Variants in HDAC9 observed in about 807,000 individuals in gnomAD.
HDAC9 encodes the protein histone deacetylase 9, also known as MEF-2 interacting transcription repressor (MITR) protein.
HDAC9 carries 41 observed loss-of-function variants against 139.4 expected under a neutral mutation model. The ratio of observed to expected loss-of-function variants is 0.29; its 90% CI spans 0.23 to 0.38. The LOEUF (loss-of-function observed/expected upper bound fraction) is 0.38. Ranked by LOEUF, HDAC9 falls within the 10% of genes least tolerant of loss-of-function variation. HDAC9 has a pLI of 1.00. For synonymous variants in HDAC9, 517 were observed against 476.2 expected, an observed-to-expected ratio of 1.09 and a Z score of -1.12; for missense variants, 1,147 against 1,297.0, an observed-to-expected ratio of 0.88 and a Z score of 1.78.
intron 1 of HDAC9, among the ~76,000 whole-genome samples, chr7:18,324,982 T>C (rs1441444875): frequency 2.6e-5 from 4 of 152,140 alleles, no homozygotes; most frequent in Non-Finnish European, 5.9e-5. Context: ...CCCCTTCCCT[T>C]TCTGCCATCC....
chr7:18,427,265 C>T (rs753392572), intron 1 of HDAC9, among the ~76,000 whole-genome samples: 4 of 152,118 alleles, frequency 2.6e-5, no homozygotes, highest in Non-Finnish European at 5.9e-5. Context: ...CTCATTCACA[C>T]CTACAGCCTT....
At chr7:18,670,400 T>C (rs1795599655) in intron 12 of HDAC9, among the ~76,000 whole-genome samples, 1 of 152,088 alleles carries the variant, frequency 6.6e-6, no homozygotes, top group South Asian at 2.1e-4. Flanking sequence ...TGTTGTTACA[T>C]CTAATTTTAT....
chr7:18,968,653 C>T (rs746469136), intron 24 of HDAC9, among the ~76,000 whole-genome samples: 9 of 152,040 alleles, frequency 5.9e-5, no homozygotes, highest in Non-Finnish European at 1.0e-4. Context: ...AGAATAAAGC[C>T]ATCAAAGTTA....
intron 14 of HDAC9, among the ~76,000 whole-genome samples, chr7:18,758,452 C>T (rs774441285): frequency 1.5e-4 from 23 of 152,042 alleles, no homozygotes; most frequent in Middle Eastern, 6.8e-3. Context: ...ATAAAGGGTG[C>T]GCAGAAAGTT....
At chr7:18,318,415 T>G (rs1241751675) in intron 1 of HDAC9, among the ~76,000 whole-genome samples, 1 of 152,196 alleles carries the variant, frequency 6.6e-6, no homozygotes, top group African/African-American at 2.4e-5. Flanking sequence ...GGAATGCAGA[T>G]GGCATTTGTT....
intron 16 of HDAC9, among the ~76,000 whole-genome samples, chr7:18,786,564 C>A (rs1483758781): frequency 3.3e-5 from 4 of 121,842 alleles, no homozygotes; most frequent in East Asian, 2.2e-4. Flanking sequence ...TTCTGTCACA[C>A]CTCTTGGGTA....
chr7:18,981,886 G>T (rs988657962), intron 25 of HDAC9, among the ~76,000 whole-genome samples: 1 of 151,748 alleles, frequency 6.6e-6, no homozygotes, highest in Admixed American at 6.6e-5. Flanking sequence ...AAACAAACAT[G>T]AACAATCAAC....
intron 22 of HDAC9, among the ~76,000 whole-genome samples, chr7:18,904,713 C>T (rs947916284): frequency 4.1e-4 from 62 of 150,296 alleles, no homozygotes; most frequent in Admixed American, 7.3e-4. Flanking sequence ...GTAGCTGGGA[C>T]TACAGGCAAC....
At chr7:18,593,870 C>T (rs980778724) in intron 5 of HDAC9, 38 bp from the exon 6 acceptor site, 2 of 1,610,278 alleles carry the variant, frequency 1.2e-6, no homozygotes, top group Non-Finnish European at 1.7e-6. Context: ...GCAGTAAAAA[C>T]TACCAAGTAA....
chr7:18,382,052 A>C (rs190977636), intron 1 of HDAC9, among the ~76,000 whole-genome samples: 1 of 152,298 alleles, frequency 6.6e-6, no homozygotes, highest in African/African-American at 2.4e-5. Flanking sequence ...CCCTCATAAA[A>C]AAATCCAGTT....
At chr7:18,496,176 A>G in intron 1 of HDAC9, 86 bp from the exon 2 acceptor site, 2 of 1,480,042 alleles carry the variant, frequency 1.4e-6, no homozygotes, top group South Asian at 2.3e-5. Context: ...TGCACTGAGC[A>G]GTGATGAATG....
chr7:18,247,726 T>G (rs1794648738), intron 2 of HDAC9, among the ~76,000 whole-genome samples: 1 of 152,234 alleles, frequency 6.6e-6, no homozygotes, highest in Admixed American at 6.5e-5. Flanking sequence ...CAAAATATTG[T>G]CTCAGTTTCT....
At chr7:18,338,209 A>G (rs1261116468) in intron 1 of HDAC9, among the ~76,000 whole-genome samples, 1 of 151,738 alleles carries the variant, frequency 6.6e-6, no homozygotes, top group African/African-American at 2.4e-5. Context: ...TATATAATCA[A>G]TTGAATATGC....
intron 19 of HDAC9, among the ~76,000 whole-genome samples, chr7:18,833,737 T>G (rs1796024383): frequency 6.6e-6 from 1 of 152,180 alleles, no homozygotes; most frequent in African/African-American, 2.4e-5. Flanking sequence ...GCCCCAACAT[T>G]ATGATTTCTT....
At chr7:18,305,561 A>C (rs1178647889) in intron 1 of HDAC9, among the ~76,000 whole-genome samples, 1 of 152,096 alleles carries the variant, frequency 6.6e-6, no homozygotes, top group African/African-American at 2.4e-5. Flanking sequence ...CATAACTCAA[A>C]GCTAAATAAA....
At chr7:18,435,059 C>CAAAAAAAAAAAAAAAAAAA (rs376786180) in intron 1 of HDAC9, among the ~76,000 whole-genome samples, 8 of 67,798 alleles carry the variant, frequency 1.2e-4, no homozygotes, top group Admixed American at 2.1e-4. Context: ...ACTACACAGC[C>CAAAAAAAAAAAAAAAAAAA]AAAAAAAAAA....
intron 16 of HDAC9, among the ~76,000 whole-genome samples, chr7:18,767,544 C>T (rs1023462050): frequency 6.6e-6 from 1 of 152,178 alleles, no homozygotes; most frequent in Non-Finnish European, 1.5e-5. Context: ...ACATTGAGTA[C>T]GCACATACAT....
intron 1 of HDAC9, among the ~76,000 whole-genome samples, chr7:18,456,276 GC>G: frequency 6.6e-6 from 1 of 152,186 alleles, no homozygotes; most frequent in Non-Finnish European, 1.5e-5. Flanking sequence ...TTTCTCTGTT[GC>G]CCAGGCTGGA....
intron 1 of HDAC9, among the ~76,000 whole-genome samples, chr7:18,418,946 G>A (rs1789356729): frequency 6.6e-6 from 1 of 152,036 alleles, no homozygotes; most frequent in East Asian, 1.9e-4. Flanking sequence ...GAGAAGTAAT[G>A]TTTGTTTGTT....
Sources: allele counts gnomAD v4.1 joint callset (sites outside exome capture counted in the v4.1 genomes callset), GRCh38; gene constraint gnomAD v4.1.1; transcripts MANE v1.5; gene names NCBI Gene and HGNC (gene_info 2026-07-23, HGNC 2026-07-21).